The following DOCK10 variants were observed in gnomAD, a reference collection of about 807,000 sequenced individuals.
The protein encoded by DOCK10 is dedicator of cytokinesis protein 10.
Under a neutral mutation model 280.1 loss-of-function variants are expected in DOCK10, and 145 were observed. The observed-to-expected ratio is 0.52, with a 90% CI of 0.45 to 0.59. DOCK10 has a LOEUF of 0.59. Ranked by LOEUF, DOCK10 falls within the 20% of genes least tolerant of loss-of-function variation. The pLI, the probability that DOCK10 is intolerant of heterozygous loss-of-function variation, is 0.00. For synonymous variants in DOCK10, 915 were observed against 942.2 expected (o/e 0.97, Z 0.53); for missense variants, 2,368 against 2,651.7 (o/e 0.89, Z 2.35).
At chr2:224,853,985 G>A (rs1029867384) in intron 16 of DOCK10, among the ~76,000 whole-genome samples, 3 of 152,062 alleles carry the variant, frequency 2.0e-5, no homozygotes, top group African/African-American at 7.2e-5. Context: ...CATTTGTCGT[G>A]TTTCATTTCC....
intron 44 of DOCK10, among the ~76,000 whole-genome samples, chr2:224,795,532 T>C (rs1275708108): frequency 2.0e-5 from 3 of 152,208 alleles, no homozygotes; most frequent in Admixed American, 6.5e-5. Context: ...GATTCAGTTG[T>C]GGGACTTTAA....
chr2:224,775,509 T>C (rs1405570159), intron 51 of DOCK10, among the ~76,000 whole-genome samples: 17 of 152,190 alleles, frequency 1.1e-4, no homozygotes, highest in Admixed American at 1.1e-3. Flanking sequence ...AGGGTCTTGC[T>C]CTGTCTCCTA....
At chr2:224,936,202 C>A (rs1226938141) in intron 1 of DOCK10, among the ~76,000 whole-genome samples, 1 of 152,182 alleles carries the variant, frequency 6.6e-6, no homozygotes, top group Non-Finnish European at 1.5e-5. Context: ...TGGTGCAGTG[C>A]ATGCCATAAA....
chr2:224,961,408 C>CT (rs1559873054), intron 1 of DOCK10, among the ~76,000 whole-genome samples: 2 of 107,956 alleles, frequency 1.9e-5, no homozygotes, highest in Non-Finnish European at 3.8e-5. Flanking sequence ...TTCTTTCTTT[C>CT]TTTCTCTTTC....
rs1696806958 is a variant in DOCK10, at chr2:224,852,430, T to G, written c.2089A>C (p.Thr697Pro). 1 of 1,564,782 alleles carries G rather than the reference T, an allele frequency of 6.4e-7. No homozygotes were observed. Among genetic ancestry groups the G allele is most frequent in the African/African-American group, 1.4e-5 (1 of 73,794 alleles). Residue 697 changes from threonine to proline, a missense_variant, in exon 18 of 56, where the codon ACT (threonine) becomes CCT (proline). Thr to Pro is a conservative substitution (Grantham distance 38, BLOSUM62 -1). Around this residue, in one of 2 missense-constraint regions of DOCK10, gnomAD observed 1,209 missense variants for 1,250.9 expected, o/e 0.97. Transcript: ENST00000258390. ...GAATTTTTGAATTCAATGCACACAGTTATATTCCGTGCCTGAAATTACGGA... is the reference window on the plus strand; with the variant it reads ...GAATTTTTGAATTCAATGCACACAGGTATATTCCGTGCCTGAAATTACGGA... ...QKCFNKARNI[T>P]VCIEFKNSDE...
intron 26 of DOCK10, among the ~76,000 whole-genome samples, chr2:224,830,865 A>G (rs1695176474): frequency 6.6e-6 from 1 of 152,098 alleles, no homozygotes; most frequent in African/African-American, 2.4e-5. Flanking sequence ...TTTACAAAAT[A>G]TTTATTCAAG....
intron 1 of DOCK10, among the ~76,000 whole-genome samples, chr2:224,934,614 G>A (rs1702581945): frequency 6.6e-6 from 1 of 152,208 alleles, no homozygotes; most frequent in Admixed American, 6.5e-5. Flanking sequence ...CCCTTCAAAT[G>A]TAAAGAGACA....
In DOCK10 at chr2:224,846,884, A is replaced by G. The variant is rs184104901; in HGVS notation, c.2236-1242T>C. ...TGTTGCCTAGGCTGGAGTCTCAGAC[A>G]TTAACCTAGACACACTCAATTGCAA... On this transcript the variant is annotated intron_variant, in intron 19 of 55. Coordinates refer to ENST00000258390, the MANE Select transcript of DOCK10 (RefSeq NM_014689.3). Among the ~76,000 whole-genome samples, 6 of 152,350 alleles carry G rather than the reference A, an allele frequency of 3.9e-5. No individual in the cohort carries two copies. In the East Asian group the frequency reaches 1.2e-3, roughly 29 times the overall value.
intron 14 of DOCK10, 44 bp downstream of exon 14, chr2:224,862,620 C>T (rs369263245): frequency 4.7e-5 from 70 of 1,503,724 alleles, no homozygotes; most frequent in Non-Finnish European, 6.1e-5. Context: ...CCAATGCCAC[C>T]ATTAAATGTA....
chr2:224,823,854 T>C (rs1241365743), intron 27 of DOCK10, among the ~76,000 whole-genome samples: 5 of 152,196 alleles, frequency 3.3e-5, no homozygotes, highest in Non-Finnish European at 4.4e-5. Flanking sequence ...TCAATTTTGG[T>C]CAATAAAATT....
chr2:224,850,440 C>T (rs1017980786), intron 18 of DOCK10, among the ~76,000 whole-genome samples: 2 of 152,148 alleles, frequency 1.3e-5, no homozygotes, highest in African/African-American at 4.8e-5. Flanking sequence ...CAGTTACCAA[C>T]CCCAGGAAAA....
chr2:224,956,985 G>A (rs956995811), intron 1 of DOCK10, among the ~76,000 whole-genome samples: 1 of 152,212 alleles, frequency 6.6e-6, no homozygotes, highest in African/African-American at 2.4e-5. Context: ...ACCTGGTCAT[G>A]CTTGTCATGT....
chr2:224,961,675 T>G (rs914751748), intron 1 of DOCK10, among the ~76,000 whole-genome samples: 1 of 151,524 alleles, frequency 6.6e-6, no homozygotes, highest in Admixed American at 6.6e-5. Context: ...CCCAGCTAAT[T>G]TTTGTATTTT....
chr2:225,035,183 A>T (rs1690186912), intron 1 of DOCK10, among the ~76,000 whole-genome samples: 1 of 152,126 alleles, frequency 6.6e-6, no homozygotes, highest in African/African-American at 2.4e-5. Context: ...ACTCCCATTC[A>T]TTAGAATCCC....
intron 1 of DOCK10, among the ~76,000 whole-genome samples, chr2:225,039,901 C>T (rs1326925354): frequency 6.6e-6 from 1 of 152,162 alleles, no homozygotes; most frequent in Non-Finnish European, 1.5e-5. Context: ...TACTTTTTCT[C>T]AGCAGGAGTT....
intron 11 of DOCK10, among the ~76,000 whole-genome samples, chr2:224,872,789 G>A (rs1698369596): frequency 6.6e-6 from 1 of 152,138 alleles, no homozygotes; most frequent in South Asian, 2.1e-4. Context: ...TTTCCTCTTT[G>A]AGGTGAAAGA....
intron 30 of DOCK10, among the ~76,000 whole-genome samples, chr2:224,815,163 G>T (rs1482962718): frequency 2.0e-5 from 3 of 152,128 alleles, no homozygotes; most frequent in African/African-American, 7.2e-5. Flanking sequence ...AGAGCCGATG[G>T]TTTTAAAGTG....
chr2:224,829,199 C>T (rs1007132216), intron 27 of DOCK10, among the ~76,000 whole-genome samples: 5 of 152,214 alleles, frequency 3.3e-5, no homozygotes. Context: ...ACCATGTCTG[C>T]CCTGATAGAG....
At chr2:224,990,793 T>C (rs986982319) in intron 1 of DOCK10, among the ~76,000 whole-genome samples, 3 of 152,180 alleles carry the variant, frequency 2.0e-5, no homozygotes, top group African/African-American at 7.2e-5. Context: ...TTTGAAATAA[T>C]ATAATAATAC....
Sources: allele counts gnomAD v4.1 joint callset (sites outside exome capture counted in the v4.1 genomes callset), GRCh38; gene constraint gnomAD v4.1.1; regional missense constraint gnomAD v4.1.1; transcripts MANE v1.5; gene names NCBI Gene and HGNC (gene_info 2026-07-23, HGNC 2026-07-21).